The following NET1 variants were observed in gnomAD, a reference collection of about 807,000 sequenced individuals.
The protein encoded by NET1 is neuroepithelial cell-transforming gene 1 protein.
NET1 carries 42 observed loss-of-function variants against 61.1 expected under a neutral mutation model. The ratio of observed to expected loss-of-function variants is 0.69; its 90% CI spans 0.54 to 0.89. The LOEUF (loss-of-function observed/expected upper bound fraction) is 0.89, where lower values mean the gene tolerates loss of function less well. Among genes scored for constraint, NET1 ranks in the 40% least tolerant of loss-of-function variants. The pLI is 0.00. For synonymous variants in NET1, 254 were observed against 281.8 expected (o/e 0.90, Z 0.99); for missense variants, 654 against 747.3 (o/e 0.88, Z 1.46).
rs955791529 is a variant in NET1 at position 5,417,003 on chromosome 10, T to C, written c.128+4183T>C. Among the ~76,000 whole-genome samples the C allele has an allele frequency of 1.3e-5, 2 of 152,198 alleles. No homozygotes were observed. The highest frequency in any genetic ancestry group is 2.4e-5 in the African/African-American group (1 of 41,438). The stretch of plus-strand genomic sequence containing the variant: ...TGGAACAATCAGATGACACGTTGGC[T>C]TGGATAATGATTGCAAGCTTTTATA... On this transcript the variant is annotated intron_variant, in intron 1 of 11. Coordinates refer to ENST00000355029, the MANE Select transcript of NET1 (RefSeq NM_001047160.3). The surrounding 1 kb of genome is among the most constrained non-coding windows in gnomAD (Gnocchi z 5.5).
Position 5,449,600 on chromosome 10 carries a change from T to C in NET1, c.256-2230T>C, listed in dbSNP as rs1832672128. ...GTTTCAGAAGTATGCTTTAGATATA[T>C]TTACATTCACTTATCTAAATCTAAA... On this transcript the variant is annotated intron_variant, in intron 3 of 11. Coordinates refer to ENST00000355029, the MANE Select transcript of NET1 (RefSeq NM_001047160.3). This position sits in a 1 kb window ranked among gnomAD's most constrained non-coding sequence, Gnocchi z 4.4. 6.6e-6 allele frequency among the ~76,000 whole-genome samples: 1 copy of C among 152,218 alleles called. No individual in the cohort carries two copies. Among genetic ancestry groups the C allele is most frequent in the East Asian group, 1.9e-4 (1 of 5,206 alleles).
Position 5,446,900 on chromosome 10 carries a change from T to G in NET1, c.256-4930T>G. The G allele has an allele frequency of 6.5e-7, 1 of 1,541,296 alleles. No homozygotes were observed. The highest frequency in any genetic ancestry group is 8.9e-7 in the Non-Finnish European group (1 of 1,127,934). On this transcript the variant is annotated intron_variant, in intron 3 of 11. Coordinates refer to ENST00000355029, the MANE Select transcript of NET1 (RefSeq NM_001047160.3). The surrounding 1 kb of genome is among the most constrained non-coding windows in gnomAD (Gnocchi z 5.0). ...AACGTTAGGCAAAAGGAATGTTTTC[T>G]AACTCCACGGAGCTTTTAAAATTTT...
At chr10:5,429,372 T>C in intron 3 of NET1, 143 bp downstream of exon 3, 2 of 597,322 alleles carry the variant, frequency 3.3e-6, no homozygotes, top group South Asian at 4.3e-5. Flanking sequence ...AAGTGAATAA[T>C]ATTAGTTCAT....
rs1832613814 is a variant in NET1 at position 5,446,608 on chromosome 10, C to G, written c.256-5222C>G. On this transcript the variant is annotated intron_variant, in intron 3 of 11. Transcript: ENST00000355029. This position sits in a 1 kb window ranked among gnomAD's most constrained non-coding sequence, Gnocchi z 5.0. ...GTCGGTGCTTGCTGCCTGCGGCTCT[C>G]AGAAGCCTCTGCTCCACCGCGGCGA... The G allele has an allele frequency of 4.1e-6, 5 of 1,232,758 alleles. No individual in the cohort carries two copies. In the South Asian group the frequency reaches 1.6e-4, roughly 40 times the overall value. The allele number at this position is 1,232,758 out of a possible 1,614,324, so 76.4% of individuals were successfully genotyped here. A position where few individuals can be genotyped will look rare whatever the true frequency, so the allele number is the denominator to read the frequency against.
chr10:5,457,029 G>A lies in NET1; in HGVS notation c.*35G>A, dbSNP rs536223005. ...TGTGTGTTAACTGATGGGAGAGACTGTTTGTTTATAAATGTGTACAGTTTT... is the reference window on the plus strand; with the variant it reads ...TGTGTGTTAACTGATGGGAGAGACTATTTGTTTATAAATGTGTACAGTTTT... On this transcript the variant is annotated 3_prime_UTR_variant, in exon 12 of 12. Transcript: ENST00000355029. The surrounding 1 kb of genome is among the most constrained non-coding windows in gnomAD (Gnocchi z 5.4). 2.0e-6 allele frequency: 3 copies of A among 1,509,278 alleles called. No homozygotes were observed. Among genetic ancestry groups the A allele is most frequent in the Non-Finnish European group, 2.7e-6 (3 of 1,129,502 alleles). The allele number at this position is 1,509,278 out of a possible 1,614,324, so 93.5% of individuals were successfully genotyped here. A position where few individuals can be genotyped will look rare whatever the true frequency, so the allele number is the denominator to read the frequency against.
chr10:5,419,706 T>TTTGTTG (rs71388430), intron 1 of NET1, among the ~76,000 whole-genome samples: 87,923 of 150,842 alleles, frequency 0.58, 26,122 homozygotes, highest in East Asian at 0.71. Context: ...TTTTCTTTGT[T>TTTGTTG]TTGTTGTTGT....
At chr10:5,414,686 T>C (rs1268851195) in intron 1 of NET1, among the ~76,000 whole-genome samples, 1 of 152,090 alleles carries the variant, frequency 6.6e-6, no homozygotes, top group African/African-American at 2.4e-5. Context: ...AAGAATAAAT[T>C]CCCTTGATGT....
intron 3 of NET1, among the ~76,000 whole-genome samples, chr10:5,442,483 A>C (rs192233715): frequency 4.3e-4 from 66 of 152,364 alleles, no homozygotes; most frequent in Middle Eastern, 3.4e-3. Context: ...TAAGAGAAAC[A>C]TCTTTCTCTT....
Position 5,423,873 on chromosome 10 carries a change from G to T in NET1, c.129-2782G>T, listed in dbSNP as rs4881439. ...ACTGTCTCACATCCTTTGTGGGCACGGTTTGTTTTTTGGGTTCCTTTTTTC... is the reference window on the plus strand; with the variant it reads ...ACTGTCTCACATCCTTTGTGGGCACTGTTTGTTTTTTGGGTTCCTTTTTTC... On this transcript the variant is annotated intron_variant, in intron 1 of 11. Transcript: ENST00000355029. The surrounding 1 kb of genome is among the most constrained non-coding windows in gnomAD (Gnocchi z 4.4). Among the ~76,000 whole-genome samples, 5 of 152,026 alleles carry T rather than the reference G, an allele frequency of 3.3e-5. No homozygotes were observed. The highest frequency in any genetic ancestry group is 9.7e-5 in the African/African-American group (4 of 41,356).
intron 1 of NET1, among the ~76,000 whole-genome samples, chr10:5,419,633 C>T (rs1832135220): frequency 6.6e-6 from 1 of 152,038 alleles, no homozygotes; most frequent in Admixed American, 6.5e-5. Flanking sequence ...GGCTTTCAGC[C>T]AGAAATTCTT....
chr10:5,442,328 T>C (rs80277632), intron 3 of NET1, among the ~76,000 whole-genome samples: 413 of 152,336 alleles, frequency 2.7e-3, no homozygotes, highest in African/African-American at 9.5e-3. Flanking sequence ...TCCAATTGCT[T>C]GTTATTGTTC....
chr10:5,441,650 A>G lies in NET1; in HGVS notation c.256-10180A>G, dbSNP rs1468197752. On this transcript the variant is annotated intron_variant, in intron 3 of 11. Transcript: ENST00000355029. This position sits in a 1 kb window ranked among gnomAD's most constrained non-coding sequence, Gnocchi z 4.6. ...TTGACAATACCAAACTTATTAGCCT[A>G]TGAGACTATTTTATTTAAAGTGTGT... Among the ~76,000 whole-genome samples, 1 of 152,246 alleles carries G rather than the reference A, an allele frequency of 6.6e-6. No homozygotes were observed. Among genetic ancestry groups the G allele is most frequent in the Non-Finnish European group, 1.5e-5 (1 of 68,044 alleles).
chr10:5,436,186 TTGTGTG>T (rs139070024), intron 3 of NET1, among the ~76,000 whole-genome samples: 177 of 21,268 alleles, frequency 8.3e-3, no homozygotes, highest in African/African-American at 0.028. Context: ...TGTGTGTGTG[TTGTGTG>T]TGTGTGTGTG....
intron 3 of NET1, among the ~76,000 whole-genome samples, chr10:5,445,084 A>G (rs1832585181): frequency 6.6e-6 from 1 of 152,150 alleles, no homozygotes; most frequent in Non-Finnish European, 1.5e-5. Context: ...CATCTTAAAC[A>G]CCAGTCACAT....
At position 5,453,724 on chromosome 10, in the gene NET1, T is replaced by TAA. The variant is rs200149854; in HGVS notation, c.768+178_768+179dup. Among the ~76,000 whole-genome samples the TAA allele has an allele frequency of 2.1e-5, 3 of 139,832 alleles. No individual in the cohort carries two copies. Among genetic ancestry groups the TAA allele is most frequent in the African/African-American group, 5.3e-5 (2 of 38,038 alleles). 91.7% of individuals were successfully genotyped at this position (139,832 alleles called of 152,430 possible). A position where few individuals can be genotyped will look rare whatever the true frequency, so the allele number is the denominator to read the frequency against. On this transcript the variant is annotated intron_variant, in intron 8 of 11. Transcript: ENST00000355029. This position sits in a 1 kb window ranked among gnomAD's most constrained non-coding sequence, Gnocchi z 4.9. ...GTGACATAAGAAGTTACAGTCTGTT[T>TAA]AAAAAAAAAAAAAAACACCTTCATT...
At position 5,458,838 on chromosome 10, in the gene NET1, A is replaced by G. The variant is rs1243870329; in HGVS notation, c.*1844A>G. On this transcript the variant is annotated 3_prime_UTR_variant, in exon 12 of 12. Transcript: ENST00000355029. This position sits in a 1 kb window ranked among gnomAD's most constrained non-coding sequence, Gnocchi z 4.5. ...ACCAATGATTGTGATCTGCAACACC[A>G]GAAAGCAAGATTTCTAATCATTTCC... is the stretch of plus-strand genomic sequence containing the variant. Among the ~76,000 whole-genome samples the G allele has an allele frequency of 6.6e-6, 1 of 152,250 alleles. No homozygotes were observed. Among genetic ancestry groups the G allele is most frequent in the African/African-American group, 2.4e-5 (1 of 41,460 alleles).
Position 5,417,274 on chromosome 10 carries a change from C to T in NET1, c.128+4454C>T, listed in dbSNP as rs528817593. Among the ~76,000 whole-genome samples the T allele has an allele frequency of 5.6e-4, 85 of 151,728 alleles. No individual in the cohort carries two copies. Among genetic ancestry groups the T allele is most frequent in the Middle Eastern group, 3.4e-3 (1 of 294 alleles). On this transcript the variant is annotated intron_variant, in intron 1 of 11. Transcript: ENST00000355029. The surrounding 1 kb of genome is among the most constrained non-coding windows in gnomAD (Gnocchi z 5.5). ...GGGTTTTTATAGGCACAGGTGGGGG[C>T]GTGCTTTTATAGGCACAGGATGGGG... is the stretch of plus-strand genomic sequence containing the variant.
chr10:5,450,064 TGTCAGTCA>T (rs66980083), intron 3 of NET1, among the ~76,000 whole-genome samples: 1 of 151,736 alleles, frequency 6.6e-6, no homozygotes, highest in Non-Finnish European at 1.5e-5. Context: ...CACACGCGTG[TGTCAGTCA>T]GTCAGCACAG....
At position 5,451,393 on chromosome 10, in the gene NET1, T is replaced by A. The variant is rs1223377293; in HGVS notation, c.256-437T>A. On this transcript the variant is annotated intron_variant, in intron 3 of 11. Transcript: ENST00000355029. This position sits in a 1 kb window ranked among gnomAD's most constrained non-coding sequence, Gnocchi z 6.1. ...TAAAACATTTAAGTAGGGACAAAAA[T>A]GAAACAAATTGTTATACCAGACACT... Among the ~76,000 whole-genome samples the A allele has an allele frequency of 2.0e-5, 3 of 152,058 alleles. No homozygotes were observed. Among genetic ancestry groups the A allele is most frequent in the Admixed American group, 1.3e-4 (2 of 15,258 alleles).
Sources: allele counts gnomAD v4.1 joint callset (sites outside exome capture counted in the v4.1 genomes callset), GRCh38; gene constraint gnomAD v4.1.1; non-coding constraint Gnocchi (gnomAD v3.1); transcripts MANE v1.5; gene names NCBI Gene and HGNC (gene_info 2026-07-23, HGNC 2026-07-21).